The following KLHDC4 variants were observed in gnomAD, a reference collection of about 807,000 sequenced individuals.
KLHDC4 encodes kelch domain containing 4.
In KLHDC4, 90 loss-of-function variants were observed where a neutral mutation model predicts 62.4. The observed-to-expected ratio is 1.44, with a 90% CI of 1.22 to 1.72. The LOEUF is 1.72. Among genes scored for constraint, KLHDC4 ranks in the 40% most tolerant of loss-of-function variants. The pLI is 0.00. For missense variants in KLHDC4, 1,025 were observed against 699.7 expected (o/e 1.47, Z -5.25); for synonymous variants, 386 against 284.4 (o/e 1.36, Z -3.59).
At chr16:87,756,514 C>T (rs1567824321) in intron 2 of KLHDC4, 37 bp from the exon 3 acceptor site, 1 of 1,482,458 alleles carries the variant, frequency 6.7e-7, no homozygotes, top group Non-Finnish European at 9.4e-7. Flanking sequence ...GCAAGATCAC[C>T]CCCGATACCC....
chr16:87,733,253 T>C (rs1435190967), intron 5 of KLHDC4, among the ~76,000 whole-genome samples: 1 of 152,228 alleles, frequency 6.6e-6, no homozygotes, highest in Non-Finnish European at 1.5e-5. Context: ...GTTTCCTGCA[T>C]CTCCCAGCAG....
At chr16:87,719,440 G>C (rs2037804019) in intron 7 of KLHDC4, among the ~76,000 whole-genome samples, 1 of 152,196 alleles carries the variant, frequency 6.6e-6, no homozygotes. Flanking sequence ...GGTGCAAGAT[G>C]TACTTTGTTA....
intron 2 of KLHDC4, among the ~76,000 whole-genome samples, chr16:87,758,738 G>A (rs1472406379): frequency 6.6e-6 from 1 of 152,312 alleles, no homozygotes; most frequent in East Asian, 1.9e-4. Context: ...CGCTGCATTC[G>A]AAGCTGTCCT....
At chr16:87,765,103 G>C (rs1185676178) in intron 1 of KLHDC4, 1 of 455,876 alleles carries the variant, frequency 2.2e-6, no homozygotes, top group Admixed American at 2.4e-5. Flanking sequence ...GCTGTGCCTG[G>C]CGCACGGCAG....
chr16:87,701,476 A>G (rs1264330109), exon 1 of KLHDC4: 2 of 353,542 alleles, frequency 5.7e-6, no homozygotes, highest in East Asian at 7.5e-5. Flanking sequence ...CACAGCGTTC[A>G]TGCCAGCTTG....
chr16:87,707,575 TG>T (rs1325504536), downstream of KLHDC4, among the ~76,000 whole-genome samples: 12 of 152,144 alleles, frequency 7.9e-5, no homozygotes, highest in Admixed American at 5.9e-4. Context: ...ATCCCAAGTG[TG>T]AATATGGATG....
At chr16:87,720,567 C>T (rs2038082909) in intron 7 of KLHDC4, among the ~76,000 whole-genome samples, 1 of 152,176 alleles carries the variant, frequency 6.6e-6, no homozygotes, top group African/African-American at 2.4e-5. Flanking sequence ...AGACGCCGCA[C>T]CACATCAGTG....
At chr16:87,748,933 C>A (rs562961065) in intron 4 of KLHDC4, 124 bp from the exon 5 acceptor site, 2 of 1,091,188 alleles carry the variant, frequency 1.8e-6, no homozygotes, top group South Asian at 3.7e-5. Context: ...ACCAGCCCCA[C>A]ACTCAGCCAC....
intron 5 of KLHDC4, among the ~76,000 whole-genome samples, chr16:87,732,189 G>A (rs12598736): frequency 0.058 from 8,712 of 151,134 alleles, 324 homozygotes; most frequent in East Asian, 0.16. Context: ...TCCGCCTCCA[G>A]GGTTCAAGTG....
chr16:87,704,981 T>C (rs528875334), downstream of KLHDC4, among the ~76,000 whole-genome samples: 2 of 152,048 alleles, frequency 1.3e-5, no homozygotes, highest in Admixed American at 6.5e-5. Context: ...CACAAAGCCC[T>C]GCGAGGAGGA....
chr16:87,726,832 C>G lies in KLHDC4; in HGVS notation c.692G>C (p.Arg231Thr), dbSNP rs1312126183. 1.2e-6 allele frequency: 2 copies of G among 1,612,046 alleles called. No individual in the cohort carries two copies. Among genetic ancestry groups the G allele is most frequent in the African/African-American group, 1.3e-5 (1 of 74,572 alleles). The change falls in exon 7 of 12, where the codon AGA (arginine) becomes ACA (threonine). Residue 231 changes from arginine (R) to threonine (T), a missense_variant. Physicochemically the swap from Arg to Thr is moderately conservative, Grantham distance 71. Transcript: ENST00000270583. ...AGTGACGGACATCTGGCAGCCTGATCTGGGTGTGGGCCCCGTCCCTGACGG... is the reference window on the plus strand; with the variant it reads ...AGTGACGGACATCTGGCAGCCTGATGTGGGTGTGGGCCCCGTCCCTGACGG... ...LSPSGTGPTP[R>T]SGCQMSVTPQ...
At chr16:87,757,160 A>AGTATTGGGTACTGGAGGG in intron 2 of KLHDC4, among the ~76,000 whole-genome samples, 1 of 151,760 alleles carries the variant, frequency 6.6e-6, no homozygotes, top group Non-Finnish European at 1.5e-5. Flanking sequence ...AAATCACCTC[A>AGTATTGGGTACTGGAGGG]AAACCATTCT....
intron 9 of KLHDC4, 34 bp downstream of exon 9, chr16:87,711,201 C>T (rs759703790): frequency 1.2e-6 from 2 of 1,609,918 alleles, no homozygotes; most frequent in South Asian, 1.1e-5. Context: ...TAGGGCTGCG[C>T]ACCACGGCGC....
chr16:87,701,620 A>G (rs1339165091), exon 1 of KLHDC4: 1 of 443,924 alleles, frequency 2.3e-6, no homozygotes, highest in Admixed American at 2.4e-5. Context: ...GGGCCAGGCA[A>G]CAACCTCACA....
Position 87,756,426 on chromosome 16 carries a change from A to C in KLHDC4, c.243T>G (p.Phe81Leu), listed in dbSNP as rs747290185. ...VHPEKDELIL[F>L]GGEYFNGQKT... ...TTTGGCCGTTGAAATATTCACCTCC[A>C]AAAAGGATTAACTCATCTTTCTCAG... The change falls in exon 3 of 12, where the codon TTT (phenylalanine) becomes TTG (leucine). Residue 81 changes from phenylalanine to leucine, a missense_variant. Transcript: ENST00000270583. 2 of 1,613,718 alleles carry C rather than the reference A, an allele frequency of 1.2e-6. No individual in the cohort carries two copies. The highest frequency in any genetic ancestry group is 8.5e-7 in the Non-Finnish European group (1 of 1,179,612).
Position 87,756,190 on chromosome 16 carries a change from A to T in KLHDC4, c.270+209T>A. Reference sequence around the variant, plus strand: ...GCTGGGCCTCAGCCTAAGTCCCAGGAATAGAGACCCCAGGACCACTGAAGT... The same window carrying T: ...GCTGGGCCTCAGCCTAAGTCCCAGGTATAGAGACCCCAGGACCACTGAAGT... On this transcript the variant is annotated intron_variant, in intron 3 of 11. Transcript: ENST00000270583. 4 of 444,342 alleles carry T rather than the reference A, an allele frequency of 9.0e-6. No individual in the cohort carries two copies. The South Asian group carries it at 1.2e-4, about 13-fold the overall frequency. The allele number at this position is 444,342 out of a possible 1,614,324, so 27.5% of individuals were successfully genotyped here. A position where few individuals can be genotyped will look rare whatever the true frequency, so the allele number is the denominator to read the frequency against.
At chr16:87,711,476 A>G in intron 8 of KLHDC4, 33 bp from the exon 9 acceptor site, 1 of 1,573,138 alleles carries the variant, frequency 6.4e-7, no homozygotes, top group Non-Finnish European at 8.6e-7. Context: ...TGGGATAAGA[A>G]CACAAGGAAG....
chr16:87,744,187 G>T lies in KLHDC4; in HGVS notation c.506+4486C>A, dbSNP rs531182717. 6.6e-5 allele frequency among the ~76,000 whole-genome samples: 10 copies of T among 152,180 alleles called. No homozygotes were observed. The East Asian group carries it at 9.7e-4, about 15-fold the overall frequency. On this transcript the variant is annotated intron_variant, in intron 5 of 11. Coordinates refer to ENST00000270583, the MANE Select transcript of KLHDC4 (RefSeq NM_017566.4). ...TCCCAGCACTTTGTGAGACCGAGGT[G>T]GGGGGATCACCTGAGGTCAGGAGTT...
chr16:87,731,648 C>T (rs149878161), intron 5 of KLHDC4, among the ~76,000 whole-genome samples: 2 of 151,852 alleles, frequency 1.3e-5, no homozygotes, highest in East Asian at 3.9e-4. Flanking sequence ...GAAAACGTAA[C>T]ACAGTGAAAC....
Sources: allele counts gnomAD v4.1 joint callset (sites outside exome capture counted in the v4.1 genomes callset), GRCh38; gene constraint gnomAD v4.1.1; transcripts MANE v1.5; gene names NCBI Gene and HGNC (gene_info 2026-07-23, HGNC 2026-07-21).